EPHA4: variants seen among roughly 807,000 people sequenced by gnomAD.
The protein encoded by EPHA4 is ephrin type-A receptor 4.
In EPHA4, 19 loss-of-function variants were observed where a neutral mutation model predicts 108.3. The observed-to-expected ratio is 0.18, with a 90% CI of 0.12 to 0.26. The LOEUF (loss-of-function observed/expected upper bound fraction) is 0.26, where lower values mean the gene tolerates loss of function less well. EPHA4 is among the 10% of genes least tolerant of loss of function. The probability of loss-of-function intolerance (pLI) is 1.00; values close to 1 mark genes in which losing one functional copy is unlikely to be tolerated. For missense variants in EPHA4, 917 were observed against 1,254.0 expected (o/e 0.73, Z 4.06); for synonymous variants, 449 against 455.5 (o/e 0.99, Z 0.18).
Position 221,571,447 on chromosome 2 carries a change from T to C in EPHA4, c.91+711A>G, listed in dbSNP as rs1284050123. ...TCGACCCCGCACGTTAGCTCTAAAC[T>C]GTGTGCAATTCTGGGGCGAAAAGCT... is the stretch of plus-strand genomic sequence containing the variant. On this transcript the variant is annotated intron_variant, in intron 1 of 17. Transcript: ENST00000281821. The surrounding 1 kb of genome is among the most constrained non-coding windows in gnomAD (Gnocchi z 6.3). Among the ~76,000 whole-genome samples, 2 of 151,660 alleles carry C rather than the reference T, an allele frequency of 1.3e-5. No homozygotes were observed. Among genetic ancestry groups the C allele is most frequent in the African/African-American group, 2.4e-5 (1 of 41,280 alleles).
At chr2:221,456,864 A>G (rs2106118048) in intron 6 of EPHA4, 92 bp from the exon 7 acceptor site, 1 of 1,392,884 alleles carries the variant, frequency 7.2e-7, no homozygotes, top group Non-Finnish European at 9.9e-7. Flanking sequence ...AAGCCAGTCA[A>G]CTCAGAAACT....
chr2:221,554,839 C>T (rs1694259172), intron 3 of EPHA4, among the ~76,000 whole-genome samples: 1 of 152,186 alleles, frequency 6.6e-6, no homozygotes, highest in South Asian at 2.1e-4. Context: ...CATGAATGGA[C>T]TCCAGCCCAT....
chr2:221,503,990 T>A (rs1692555139), intron 3 of EPHA4, among the ~76,000 whole-genome samples: 1 of 152,212 alleles, frequency 6.6e-6, no homozygotes, highest in Admixed American at 6.5e-5. Context: ...ATTCACTACT[T>A]ACTAGCATCT....
At chr2:221,426,848 T>C (rs1689927461) in intron 15 of EPHA4, among the ~76,000 whole-genome samples, 1 of 152,246 alleles carries the variant, frequency 6.6e-6, no homozygotes, top group Admixed American at 6.5e-5. Context: ...TTCCTGCGCT[T>C]GTTTTATGTG....
At chr2:221,548,524 A>G (rs1206094699) in intron 3 of EPHA4, among the ~76,000 whole-genome samples, 2 of 152,126 alleles carry the variant, frequency 1.3e-5, no homozygotes, top group Non-Finnish European at 2.9e-5. Flanking sequence ...TACAGCCTGC[A>G]GAACCATGAG....
intron 2 of EPHA4, among the ~76,000 whole-genome samples, chr2:221,567,022 G>A (rs935391845): frequency 2.2e-5 from 2 of 92,758 alleles, no homozygotes; most frequent in African/African-American, 6.4e-5. Context: ...AAAAATGTCT[G>A]CAGCATATTA....
chr2:221,561,466 T>A (rs560469413), intron 3 of EPHA4, among the ~76,000 whole-genome samples: 63 of 152,146 alleles, frequency 4.1e-4, no homozygotes, highest in African/African-American at 1.5e-3. Flanking sequence ...AAAAACAAAC[T>A]TGGTTGACAC....
intron 3 of EPHA4, among the ~76,000 whole-genome samples, chr2:221,504,774 A>G (rs1359433375): frequency 1.3e-5 from 2 of 152,196 alleles, no homozygotes; most frequent in African/African-American, 4.8e-5. Flanking sequence ...TTGAGGCATT[A>G]TCACTGTTCC....
intron 3 of EPHA4, among the ~76,000 whole-genome samples, chr2:221,551,884 A>G (rs529232240): frequency 1.3e-5 from 2 of 152,040 alleles, no homozygotes; most frequent in Admixed American, 1.3e-4. Flanking sequence ...GGTTTAGTGT[A>G]TCAGTGCTAA....
At chr2:221,466,676 G>A (rs777954691) in intron 5 of EPHA4, among the ~76,000 whole-genome samples, 3 of 152,152 alleles carry the variant, frequency 2.0e-5, no homozygotes, top group Admixed American at 6.5e-5. Context: ...TAAATCTCTT[G>A]CAGGACTTAA....
intron 17 of EPHA4, among the ~76,000 whole-genome samples, chr2:221,421,407 T>C (rs1449509821): frequency 3.3e-5 from 5 of 152,290 alleles, no homozygotes; most frequent in African/African-American, 7.2e-5. Context: ...GTATCTAATC[T>C]AACATGGCGA....
chr2:221,508,273 A>G (rs1272545590), intron 3 of EPHA4, among the ~76,000 whole-genome samples: 4 of 152,190 alleles, frequency 2.6e-5, no homozygotes, highest in Non-Finnish European at 5.9e-5. Context: ...GGGAGAGGGC[A>G]TGCCAGAAAT....
chr2:221,572,410 C>A (rs960744672), upstream of EPHA4: 10 of 442,246 alleles, frequency 2.3e-5, no homozygotes, highest in African/African-American at 4.1e-4. Flanking sequence ...GCAGACAGGG[C>A]GGCCGAGCCC....
At chr2:221,486,218 G>T (rs1691969022) in intron 4 of EPHA4, among the ~76,000 whole-genome samples, 1 of 152,190 alleles carries the variant, frequency 6.6e-6, no homozygotes, top group Non-Finnish European at 1.5e-5. Context: ...CCATCGGGTA[G>T]CTTGAGGGTC....
intron 2 of EPHA4, among the ~76,000 whole-genome samples, chr2:221,567,959 C>T (rs577872047): frequency 1.4e-4 from 21 of 152,256 alleles, no homozygotes; most frequent in African/African-American, 4.6e-4. Flanking sequence ...GTTTTCTTTC[C>T]AAAGCTGATT....
intron 14 of EPHA4, among the ~76,000 whole-genome samples, chr2:221,432,859 C>A (rs1329558291): frequency 8.4e-6 from 1 of 118,782 alleles, no homozygotes; most frequent in East Asian, 2.6e-4. Flanking sequence ...GAGTCTTACT[C>A]TTTCGCCCAG....
chr2:221,536,171 G>T (rs192563648), intron 3 of EPHA4, among the ~76,000 whole-genome samples: 1 of 152,108 alleles, frequency 6.6e-6, no homozygotes, highest in South Asian at 2.1e-4. Flanking sequence ...AAGAGCTACC[G>T]GGCACCCTGT....
chr2:221,450,924 T>A lies in EPHA4; in HGVS notation c.1715+4623A>T, dbSNP rs564668256. ...TTTTCACATTTGAATAATAAAATAC[T>A]GTTTTGGGGCCGGGTGTGGTAGCTC... is the stretch of plus-strand genomic sequence containing the variant. On this transcript the variant is annotated intron_variant, in intron 8 of 17. Coordinates refer to ENST00000281821, the MANE Select transcript of EPHA4 (RefSeq NM_004438.5). Among the ~76,000 whole-genome samples, 11 of 152,288 alleles carry A rather than the reference T, an allele frequency of 7.2e-5. 1 individual carries two copies. The Middle Eastern group carries it at 0.02, about 283-fold the overall frequency.
intron 3 of EPHA4, among the ~76,000 whole-genome samples, chr2:221,528,582 G>A (rs1033023595): frequency 6.6e-6 from 1 of 152,148 alleles, no homozygotes; most frequent in Non-Finnish European, 1.5e-5. Flanking sequence ...TTCCTAAACA[G>A]TACCTCATTT....
Sources: allele counts gnomAD v4.1 joint callset (sites outside exome capture counted in the v4.1 genomes callset), GRCh38; gene constraint gnomAD v4.1.1; non-coding constraint Gnocchi (gnomAD v3.1); transcripts MANE v1.5; gene names NCBI Gene and HGNC (gene_info 2026-07-23, HGNC 2026-07-21).